ZNF804B: variants seen among roughly 807,000 people sequenced by gnomAD.
ZNF804B encodes zinc finger 804B.
A neutral mutation model predicts 101.4 loss-of-function variants in ZNF804B; 80 were observed. That is an observed-to-expected ratio of 0.79 (90% CI 0.66 to 0.95). The LOEUF (loss-of-function observed/expected upper bound fraction) is 0.95, where lower values mean the gene tolerates loss of function less well. Ranked by LOEUF, ZNF804B falls within the 40% of genes least tolerant of loss-of-function variation. The probability of loss-of-function intolerance (pLI) is 0.00; values close to 1 mark genes in which losing one functional copy is unlikely to be tolerated. For missense variants in ZNF804B, 1,673 were observed against 1,561.9 expected (o/e 1.07, Z -1.20); for synonymous variants, 622 against 558.8 (o/e 1.11, Z -1.59).
intron 1 of ZNF804B, among the ~76,000 whole-genome samples, chr7:89,209,245 A>G (rs1375453067): frequency 2.0e-5 from 3 of 152,158 alleles, no homozygotes; most frequent in Non-Finnish European, 4.4e-5. Context: ...AGACAATTTC[A>G]CATGTTTAAT....
chr7:88,864,442 C>G (rs1349698122), intron 1 of ZNF804B, among the ~76,000 whole-genome samples: 2 of 152,080 alleles, frequency 1.3e-5, no homozygotes, highest in East Asian at 3.9e-4. Flanking sequence ...GGAAGTGATG[C>G]CAGGCAGGAT....
chr7:89,120,879 C>G (rs1374132747), intron 1 of ZNF804B, among the ~76,000 whole-genome samples: 2 of 152,006 alleles, frequency 1.3e-5, no homozygotes, highest in Non-Finnish European at 2.9e-5. Flanking sequence ...GGTAGACGTT[C>G]AAATATGTTA....
At chr7:88,856,447 C>T (rs1791560470) in intron 1 of ZNF804B, among the ~76,000 whole-genome samples, 1 of 152,128 alleles carries the variant, frequency 6.6e-6, no homozygotes, top group Non-Finnish European at 1.5e-5. Flanking sequence ...GATTTTTGCA[C>T]ATTGATTTTG....
chr7:88,831,846 T>G (rs1791139514), intron 1 of ZNF804B, among the ~76,000 whole-genome samples: 2 of 151,928 alleles, frequency 1.3e-5, no homozygotes, highest in African/African-American at 4.8e-5. Flanking sequence ...ATTCACAAGT[T>G]TTGTCAAATA....
rs188075282 is a variant in ZNF804B at position 88,907,615 on chromosome 7, C to T, written c.108+147531C>T. On this transcript the variant is annotated intron_variant, in intron 1 of 3. Coordinates refer to ENST00000333190, the MANE Select transcript of ZNF804B (RefSeq NM_181646.5). ...TTTTGTAGATGATGAAACTGAAGCA[C>T]GGACTAACTAAGTAGCCCAAAGTTT... is the stretch of plus-strand genomic sequence containing the variant. Among the ~76,000 whole-genome samples, 417 of 151,956 alleles carry T rather than the reference C, an allele frequency of 2.7e-3. 1 individual carries two copies. The highest frequency in any genetic ancestry group is 9.6e-3 in the African/African-American group (399 of 41,476).
intron 1 of ZNF804B, among the ~76,000 whole-genome samples, chr7:89,197,950 C>A (rs1293940227): frequency 6.6e-6 from 1 of 151,592 alleles, no homozygotes; most frequent in Middle Eastern, 3.2e-3. Context: ...AATAATGACA[C>A]CTTATTAGTA....
intron 2 of ZNF804B, among the ~76,000 whole-genome samples, chr7:89,307,646 A>G (rs1790585346): frequency 6.6e-6 from 1 of 152,072 alleles, no homozygotes; most frequent in Non-Finnish European, 1.5e-5. Context: ...TAAGAGCTAT[A>G]TATGTAAAGT....
intron 1 of ZNF804B, among the ~76,000 whole-genome samples, chr7:88,959,439 A>G (rs1205367925): frequency 1.3e-5 from 2 of 151,462 alleles, no homozygotes; most frequent in East Asian, 2.0e-4. Flanking sequence ...TTTAATACAC[A>G]TAACTGCAGT....
chr7:89,238,743 G>A (rs1407569357), intron 2 of ZNF804B, among the ~76,000 whole-genome samples: 1 of 152,158 alleles, frequency 6.6e-6, no homozygotes, highest in African/African-American at 2.4e-5. Flanking sequence ...GTGGTTCTCA[G>A]AAGGCCAGAA....
At position 88,856,007 on chromosome 7, in the gene ZNF804B, G is replaced by T. The variant is rs1791551107; in HGVS notation, c.108+95923G>T. Among the ~76,000 whole-genome samples the T allele has an allele frequency of 3.9e-5, 6 of 152,238 alleles. No homozygotes were observed. In the South Asian group the frequency reaches 1.2e-3, roughly 32 times the overall value. ...GTACCATGCTGTTTTGGTTACTGTAGCCTTGTAGTATAGTTTGAAATCAGG... is the reference window on the plus strand; with the variant it reads ...GTACCATGCTGTTTTGGTTACTGTATCCTTGTAGTATAGTTTGAAATCAGG... On this transcript the variant is annotated intron_variant, in intron 1 of 3. Coordinates refer to ENST00000333190, the MANE Select transcript of ZNF804B (RefSeq NM_181646.5).
At chr7:88,854,969 G>A (rs578012516) in intron 1 of ZNF804B, among the ~76,000 whole-genome samples, 2 of 151,864 alleles carry the variant, frequency 1.3e-5, no homozygotes, top group East Asian at 3.9e-4. Flanking sequence ...ATTCCATGGT[G>A]TATATGTGCC....
chr7:89,068,484 A>C lies in ZNF804B; in HGVS notation c.109-149671A>C, dbSNP rs139211080. On this transcript the variant is annotated intron_variant, in intron 1 of 3. Transcript: ENST00000333190. ...TGTAAGGAGAGTAAATATGATCACA[A>C]TGTTTAATGTATTACTAAAAAGAAA... Among the ~76,000 whole-genome samples, 7 of 152,264 alleles carry C rather than the reference A, an allele frequency of 4.6e-5. No homozygotes were observed. The South Asian group carries it at 8.3e-4, about 18-fold the overall frequency.
At position 88,759,883 on chromosome 7, in the gene ZNF804B, G is replaced by T. The variant is rs951550411; in HGVS notation, c.-94G>T. The T allele has an allele frequency of 6.1e-6, 6 of 990,504 alleles. No individual in the cohort carries two copies. Among genetic ancestry groups the T allele is most frequent in the African/African-American group, 1.6e-5 (1 of 62,842 alleles). 61.4% of individuals were successfully genotyped at this position (990,504 alleles called of 1,614,324 possible). A position where few individuals can be genotyped will look rare whatever the true frequency, so the allele number is the denominator to read the frequency against. ...CCTGCTGGCCGCGTCTTCTCGGGAG[G>T]TGGTAGTCGCTGTTGCCGCTGAGAA... On this transcript the variant is annotated 5_prime_UTR_variant, in exon 1 of 4. Coordinates refer to ENST00000333190, the MANE Select transcript of ZNF804B (RefSeq NM_181646.5).
In ZNF804B at chr7:88,983,893, A is replaced by G. The variant is rs184646758; in HGVS notation, c.108+223809A>G. 2.6e-4 allele frequency among the ~76,000 whole-genome samples: 39 copies of G among 152,136 alleles called. 2 individuals carry two copies. Among genetic ancestry groups the G allele is most frequent in the Admixed American group, 2.4e-3 (37 of 15,254 alleles). On this transcript the variant is annotated intron_variant, in intron 1 of 3. Transcript: ENST00000333190. ...TTGAAAATTTATTATTTGCTCTTGT[A>G]TCTTACTTTAATATGCTATATCTGA...
At chr7:89,151,194 TA>T (rs1167372636) in intron 1 of ZNF804B, among the ~76,000 whole-genome samples, 11 of 152,218 alleles carry the variant, frequency 7.2e-5, no homozygotes, top group African/African-American at 2.6e-4. Context: ...AAATTTGGAA[TA>T]CTACAATTGA....
chr7:89,128,316 A>G (rs1250139028), intron 1 of ZNF804B, among the ~76,000 whole-genome samples: 3 of 151,856 alleles, frequency 2.0e-5, no homozygotes, highest in African/African-American at 7.2e-5. Context: ...AATTGTAGCA[A>G]TTTCTCCCCA....
intron 1 of ZNF804B, among the ~76,000 whole-genome samples, chr7:88,946,480 A>G (rs1336391804): frequency 6.6e-6 from 1 of 151,226 alleles, no homozygotes; most frequent in Non-Finnish European, 1.5e-5. Flanking sequence ...TGATGTGCTG[A>G]TGGATTCTGT....
intron 1 of ZNF804B, among the ~76,000 whole-genome samples, chr7:88,843,247 C>T (rs1791313528): frequency 6.6e-6 from 1 of 152,088 alleles, no homozygotes; most frequent in Non-Finnish European, 1.5e-5. Flanking sequence ...TACTTATTAG[C>T]TCATTTATTC....
At chr7:89,275,819 C>T (rs748707720) in intron 2 of ZNF804B, among the ~76,000 whole-genome samples, 2 of 151,668 alleles carry the variant, frequency 1.3e-5, no homozygotes, top group Non-Finnish European at 2.9e-5. Context: ...TTCTTTATCC[C>T]ACTTATGAAT....
Sources: gnomAD v4.1 joint callset for allele counts (sites outside exome capture counted in the v4.1 genomes callset) on GRCh38, gnomAD v4.1.1 for gene constraint, MANE v1.5 for transcripts, NCBI Gene and HGNC (gene_info 2026-07-23, HGNC 2026-07-21) for gene names.